ANXA4: variants seen among roughly 807,000 people sequenced by gnomAD.
The protein encoded by ANXA4 is annexin A4.
Under a neutral mutation model 49.8 loss-of-function variants are expected in ANXA4, and 39 were observed. That is an observed-to-expected ratio of 0.78 (90% CI 0.61 to 1.02). ANXA4 has a LOEUF of 1.02. Among genes scored for constraint, ANXA4 ranks in the 50% least tolerant of loss-of-function variants. The pLI is 0.00. For missense variants in ANXA4, 360 were observed against 410.1 expected, an observed-to-expected ratio of 0.88 and a Z score of 1.05; for synonymous variants, 134 against 152.5, an observed-to-expected ratio of 0.88 and a Z score of 0.89.
intron 2 of ANXA4, among the ~76,000 whole-genome samples, chr2:69,653,859 A>G (rs188457211): frequency 1.3e-5 from 2 of 152,320 alleles, no homozygotes; most frequent in East Asian, 1.9e-4. Flanking sequence ...CATTGGATCT[A>G]TACATTACTT....
chr2:69,767,363 C>G (rs1287233901), intron 1 of ANXA4, among the ~76,000 whole-genome samples: 1 of 152,196 alleles, frequency 6.6e-6, no homozygotes, highest in Admixed American at 6.5e-5. Context: ...CATGATGCAT[C>G]AGTAGTCTCT....
At chr2:69,668,930 T>C (rs1318873095) in intron 2 of ANXA4, among the ~76,000 whole-genome samples, 2 of 151,982 alleles carry the variant, frequency 1.3e-5, no homozygotes, top group Non-Finnish European at 2.9e-5. Flanking sequence ...TTCCATTCCT[T>C]TTGAGCCTTT....
chr2:69,715,364 T>C (rs1678845641), intron 2 of ANXA4, among the ~76,000 whole-genome samples: 1 of 152,106 alleles, frequency 6.6e-6, no homozygotes, highest in South Asian at 2.1e-4. Context: ...CGCACCACCA[T>C]GCCTGGCTAC....
intron 1 of ANXA4, among the ~76,000 whole-genome samples, chr2:69,775,959 TA>T (rs1271374402): frequency 7.5e-6 from 1 of 133,964 alleles, no homozygotes; most frequent in East Asian, 2.4e-4. Context: ...TATTTATTTT[TA>T]TTTTATTTAT....
At position 69,816,207 on chromosome 2, in the gene ANXA4, C is replaced by A. The variant is rs766517835; in HGVS notation, c.628+13C>A. 1 of 1,610,950 alleles carries A rather than the reference C, an allele frequency of 6.2e-7. No individual in the cohort carries two copies. Among genetic ancestry groups the A allele is most frequent in the Non-Finnish European group, 8.5e-7 (1 of 1,177,132 alleles). The stretch of plus-strand genomic sequence containing the variant: ...CACCTGTTGCATGGTAAGGCACTTA[C>A]TTCATTTCCCAAAGAAAAGGAGTGA... On this transcript the variant is annotated intron_variant, in intron 9 of 12. Coordinates refer to ENST00000394295, the MANE Select transcript of ANXA4 (RefSeq NM_001153.5).
At chr2:69,744,921 G>A (rs561373116) in intron 1 of ANXA4, among the ~76,000 whole-genome samples, 2 of 152,218 alleles carry the variant, frequency 1.3e-5, no homozygotes, top group African/African-American at 4.8e-5. Context: ...AAGCTGATAT[G>A]AAATGGGGTT....
chr2:69,680,053 T>A (rs2105355939), intron 2 of ANXA4, among the ~76,000 whole-genome samples: 1 of 152,340 alleles, frequency 6.6e-6, no homozygotes, highest in Admixed American at 6.5e-5. Flanking sequence ...ATGACATTGG[T>A]CTTTTCATAG....
At chr2:69,650,734 A>C (rs1416780885) in intron 1 of ANXA4, among the ~76,000 whole-genome samples, 1 of 152,206 alleles carries the variant, frequency 6.6e-6, no homozygotes, top group Non-Finnish European at 1.5e-5. Context: ...GATTACAGGC[A>C]TAGCCACTGT....
At chr2:69,813,802 G>C (rs34974377) in intron 8 of ANXA4, among the ~76,000 whole-genome samples, 1 of 139,038 alleles carries the variant, frequency 7.2e-6, no homozygotes, top group African/African-American at 2.8e-5. Context: ...CTGTCGTCCA[G>C]ACTGGAGTGT....
At chr2:69,681,580 C>T (rs544129659) in intron 2 of ANXA4, among the ~76,000 whole-genome samples, 6 of 152,006 alleles carry the variant, frequency 3.9e-5, no homozygotes, top group Non-Finnish European at 7.4e-5. Flanking sequence ...GGTCCACCTG[C>T]CTGGGCCTTC....
At chr2:69,730,481 G>A (rs116707357) in intron 3 of ANXA4, among the ~76,000 whole-genome samples, 6,844 of 152,218 alleles carry the variant, frequency 0.045, 507 homozygotes, top group African/African-American at 0.15. Flanking sequence ...CAGCCTGGGC[G>A]ACAAGAATGA....
intron 2 of ANXA4, among the ~76,000 whole-genome samples, chr2:69,683,962 A>G (rs1677693494): frequency 6.6e-6 from 1 of 152,210 alleles, no homozygotes; most frequent in Non-Finnish European, 1.5e-5. Context: ...AGTTCCAGGT[A>G]AGAGAATGCA....
Position 69,781,582 on chromosome 2 carries a change from G to A in ANXA4, c.9+8G>A. ...CCTAGAGTCATGGCCATGGTAAGTT[G>A]TGAAATACCTCAACCCTATCTGGTG... On this transcript the variant is annotated splice_region_variant and intron_variant, in intron 2 of 12. Transcript: ENST00000394295. 1 of 1,614,016 alleles carries A rather than the reference G, an allele frequency of 6.2e-7. No individual in the cohort carries two copies. The highest frequency in any genetic ancestry group is 8.5e-7 in the Non-Finnish European group (1 of 1,179,994).
chr2:69,729,941 G>A lies in ANXA4; in HGVS notation n.864+9070G>A, dbSNP rs72903005. On this transcript the variant is annotated intron_variant and non_coding_transcript_variant, in intron 3 of 3. Coordinates refer to the ANXA4 transcript ENST00000418066. Reference sequence around the variant, plus strand: ...TAACAGACAGTCTTGGAAAGATAAAGATAGTGACTCCCTGCAAAGAGATTT... The same window carrying A: ...TAACAGACAGTCTTGGAAAGATAAAAATAGTGACTCCCTGCAAAGAGATTT... Among the ~76,000 whole-genome samples the A allele has an allele frequency of 6.7e-3, 1,028 of 152,298 alleles. 12 individuals are homozygous for A. Among genetic ancestry groups the A allele is most frequent in the African/African-American group, 0.023 (957 of 41,562 alleles).
At chr2:69,748,007 G>A (rs1342999386) in intron 1 of ANXA4, among the ~76,000 whole-genome samples, 3 of 152,084 alleles carry the variant, frequency 2.0e-5, no homozygotes, top group Non-Finnish European at 4.4e-5. Context: ...TAAAATTACT[G>A]TGGGGGACAA....
chr2:69,692,485 C>T (rs1313476070), intron 2 of ANXA4, among the ~76,000 whole-genome samples: 1 of 152,158 alleles, frequency 6.6e-6, no homozygotes. Context: ...ATTACCTCCT[C>T]TATAGTTCCA....
intron 3 of ANXA4, among the ~76,000 whole-genome samples, chr2:69,736,272 T>C (rs1334075076): frequency 1.3e-5 from 2 of 152,164 alleles, no homozygotes; most frequent in African/African-American, 4.8e-5. Context: ...ATATTGTTGC[T>C]GCAATTCTGA....
chr2:69,662,927 C>G (rs1235119692), intron 2 of ANXA4, among the ~76,000 whole-genome samples: 1 of 151,572 alleles, frequency 6.6e-6, no homozygotes, highest in Non-Finnish European at 1.5e-5. Context: ...ATGAGACATA[C>G]ATGTACTAAA....
intron 2 of ANXA4, among the ~76,000 whole-genome samples, chr2:69,672,243 A>G (rs150747583): frequency 1.3e-3 from 200 of 152,152 alleles, no homozygotes; most frequent in African/African-American, 4.6e-3. Flanking sequence ...TTATTTATTT[A>G]TTTATTGAGA....
Sources: gnomAD v4.1 joint callset for allele counts (sites outside exome capture counted in the v4.1 genomes callset) on GRCh38, gnomAD v4.1.1 for gene constraint, MANE v1.5 for transcripts, NCBI Gene and HGNC (gene_info 2026-07-23, HGNC 2026-07-21) for gene names.